ATP2C1: variants seen among roughly 807,000 people sequenced by gnomAD.
ATP2C1 encodes ATPase secretory pathway Ca2+ transporting 1, also known as calcium-transporting ATPase type 2C member 1.
In ATP2C1, 31 loss-of-function variants were observed where a neutral mutation model predicts 120.5. That is an observed-to-expected ratio of 0.26 (90% CI 0.19 to 0.35). The LOEUF is 0.35. ATP2C1 is among the 10% of genes least tolerant of loss of function. The pLI is 1.00. For synonymous variants in ATP2C1, 351 were observed against 358.7 expected (o/e 0.98, Z 0.24); for missense variants, 731 against 1,107.5 (o/e 0.66, Z 4.83).
Position 130,873,042 on chromosome 3 carries a change from TATTA to T in ATP2C1, c.108+22121_108+22124del, listed in dbSNP as rs371115249. Among the ~76,000 whole-genome samples the T allele has an allele frequency of 1.5e-4, 23 of 152,312 alleles. No homozygotes were observed. The East Asian group carries it at 4.2e-3, about 28-fold the overall frequency. On this transcript the variant is annotated intron_variant, in intron 1 of 26. Coordinates refer to the ATP2C1 transcript ENST00000504381. ...GAGTGACTAAGAAAGACAGTTACCTTATTAATTAATACAATCTTGAGTGTCATCA... is the reference window on the plus strand; with the variant it reads ...GAGTGACTAAGAAAGACAGTTACCTTATTAATACAATCTTGAGTGTCATCA...
At chr3:130,860,607 T>C (rs1036162720) in intron 1 of ATP2C1, among the ~76,000 whole-genome samples, 1 of 152,224 alleles carries the variant, frequency 6.6e-6, no homozygotes, top group African/African-American at 2.4e-5. Flanking sequence ...TTTCAAGAGG[T>C]AAAGTAACTT....
chr3:130,861,467 T>TC (rs1176420615), intron 1 of ATP2C1, among the ~76,000 whole-genome samples: 2 of 152,114 alleles, frequency 1.3e-5, no homozygotes, highest in African/African-American at 4.8e-5. Context: ...AGATCAATGT[T>TC]CCAGTTCAGA....
At chr3:130,931,315 AT>A (rs1398293991) in intron 3 of ATP2C1, among the ~76,000 whole-genome samples, 2 of 152,104 alleles carry the variant, frequency 1.3e-5, no homozygotes, top group Non-Finnish European at 2.9e-5. Flanking sequence ...ATGAGAGAGA[AT>A]AACTGAAGGA....
chr3:130,991,440 A>G (rs1207752713), intron 20 of ATP2C1, among the ~76,000 whole-genome samples: 1 of 152,104 alleles, frequency 6.6e-6, no homozygotes, highest in African/African-American at 2.4e-5. Context: ...AGTATAGGCT[A>G]CTTGCTAAGG....
Position 130,850,919 on chromosome 3 carries a change from C to G in ATP2C1, c.99C>G (p.Ala33=), listed in dbSNP as rs1056802730. ...TATCGACGCTGAGAAACCAAAGAGCCGAAGAACAGGTATCATTTTGTTTAT... is the reference window on the plus strand; with the variant it reads ...TATCGACGCTGAGAAACCAAAGAGCGGAAGAACAGGTATCATTTTGTTTAT... Residue 33 remains alanine (A), a synonymous_variant, in exon 1 of 27, where the codon GCC becomes GCG. Transcript: ENST00000504381. The G allele has an allele frequency of 2.9e-6, 4 of 1,389,940 alleles. No homozygotes were observed. In the South Asian group the frequency reaches 5.1e-5, roughly 18 times the overall value. 86.1% of individuals were successfully genotyped at this position (1,389,940 alleles called of 1,614,324 possible). A position where few individuals can be genotyped will look rare whatever the true frequency, so the allele number is the denominator to read the frequency against.
At chr3:130,907,341 G>A (rs1359601259) in intron 2 of ATP2C1, among the ~76,000 whole-genome samples, 1 of 151,912 alleles carries the variant, frequency 6.6e-6, no homozygotes, top group Non-Finnish European at 1.5e-5. Context: ...TTTATTGTTT[G>A]TGCTTTATAT....
At chr3:130,873,619 T>A (rs1460771097) in intron 1 of ATP2C1, among the ~76,000 whole-genome samples, 1 of 152,172 alleles carries the variant, frequency 6.6e-6, no homozygotes, top group African/African-American at 2.4e-5. Flanking sequence ...TTTTAAAAAC[T>A]CAAATGTCAT....
At position 131,011,792 on chromosome 3, in the gene ATP2C1, T is replaced by G. The variant is rs147753689; in HGVS notation, c.2630-4360T>G. On this transcript the variant is annotated intron_variant, in intron 26 of 26. Coordinates refer to the ATP2C1 transcript ENST00000328560. ...ACCAACTTAATAAAATAATCTCTTG[T>G]CATTTCATTGTGTGTTGTCTCCCAA... 1.2e-3 allele frequency among the ~76,000 whole-genome samples: 180 copies of G among 152,374 alleles called. 1 individual carries two copies. The highest frequency in any genetic ancestry group is 4.1e-3 in the African/African-American group (171 of 41,586).
At chr3:130,877,762 A>G (rs571815079) in intron 1 of ATP2C1, among the ~76,000 whole-genome samples, 3 of 152,276 alleles carry the variant, frequency 2.0e-5, no homozygotes, top group South Asian at 2.1e-4. Flanking sequence ...TAGAAATATC[A>G]TTTGACCTAG....
chr3:131,015,348 A>C (rs2063565216), intron 26 of ATP2C1: 1 of 626,618 alleles, frequency 1.6e-6, no homozygotes, highest in Admixed American at 2.6e-5. Flanking sequence ...TCTCCTTTTT[A>C]TCTTCATCTC....
chr3:130,867,810 G>C (rs1344490038), intron 1 of ATP2C1, among the ~76,000 whole-genome samples: 1 of 116,532 alleles, frequency 8.6e-6, no homozygotes, highest in Non-Finnish European at 1.8e-5. Context: ...AGTGAGGAGC[G>C]TCTCTGCCCG....
intron 19 of ATP2C1, among the ~76,000 whole-genome samples, chr3:130,979,764 A>G (rs1157409131): frequency 6.6e-6 from 1 of 152,192 alleles, no homozygotes; most frequent in Non-Finnish European, 1.5e-5. Flanking sequence ...CAACTTAAGT[A>G]TAATTTTCAA....
chr3:130,876,399 A>G (rs539959551), intron 1 of ATP2C1, among the ~76,000 whole-genome samples: 7 of 152,170 alleles, frequency 4.6e-5, no homozygotes, highest in South Asian at 4.2e-4. Context: ...TCACTAGTGT[A>G]TGTTCTTGTC....
At chr3:130,852,544 G>A (rs1559861013) in intron 1 of ATP2C1, among the ~76,000 whole-genome samples, 1 of 152,124 alleles carries the variant, frequency 6.6e-6, no homozygotes, top group African/African-American at 2.4e-5. Flanking sequence ...AGGAACAGCT[G>A]GGAGTGAGTA....
At chr3:130,962,609 A>G (rs1454540051) in intron 12 of ATP2C1, among the ~76,000 whole-genome samples, 1 of 151,370 alleles carries the variant, frequency 6.6e-6, no homozygotes, top group Non-Finnish European at 1.5e-5. Flanking sequence ...CAATTTAATT[A>G]TTCCTCTGCA....
intron 17 of ATP2C1, among the ~76,000 whole-genome samples, chr3:130,974,519 A>T (rs1003724383): frequency 6.6e-6 from 1 of 152,264 alleles, no homozygotes; most frequent in African/African-American, 2.4e-5. Flanking sequence ...GGCAATAGGG[A>T]AATACATTCC....
intron 1 of ATP2C1, chr3:130,869,458 A>AAAAAAAAAAAAT (rs1420627247): frequency 3.1e-5 from 4 of 128,240 alleles, no homozygotes; most frequent in Admixed American, 7.9e-5. Flanking sequence ...AAAAAAAAAA[A>AAAAAAAAAAAAT]AGAAATGATT....
At chr3:130,896,592 C>T (rs558928587) in intron 2 of ATP2C1, among the ~76,000 whole-genome samples, 17 of 152,146 alleles carry the variant, frequency 1.1e-4, no homozygotes, top group African/African-American at 3.1e-4. Context: ...TTTTATTGTT[C>T]ACTTGCCTTT....
At chr3:131,015,360 C>T in intron 26 of ATP2C1, 1 of 611,162 alleles carries the variant, frequency 1.6e-6, no homozygotes, top group South Asian at 2.0e-5. Flanking sequence ...CTTCATCTCT[C>T]CCTCAAGTAC....
Sources: allele counts gnomAD v4.1 joint callset (sites outside exome capture counted in the v4.1 genomes callset), GRCh38; gene constraint gnomAD v4.1.1; transcripts MANE v1.5; gene names NCBI Gene and HGNC (gene_info 2026-07-23, HGNC 2026-07-21).